The following PTPN3 variants were observed in gnomAD, a reference collection of about 807,000 sequenced individuals.
The protein encoded by PTPN3 is protein tyrosine phosphatase non-receptor type 3.
Under a neutral mutation model 132.7 loss-of-function variants are expected in PTPN3, and 96 were observed. The ratio of observed to expected loss-of-function variants is 0.72; its 90% CI spans 0.61 to 0.86. The LOEUF (loss-of-function observed/expected upper bound fraction) is 0.86. PTPN3 is among the 40% of genes least tolerant of loss of function. The probability of loss-of-function intolerance (pLI) is 0.00; values close to 1 mark genes in which losing one functional copy is unlikely to be tolerated. For missense variants in PTPN3, 1,125 were observed against 1,159.6 expected (o/e 0.97, Z 0.43); for synonymous variants, 398 against 429.0 (o/e 0.93, Z 0.89).
intron 12 of PTPN3, among the ~76,000 whole-genome samples, chr9:109,423,467 A>G (rs1271178837): frequency 1.3e-5 from 2 of 152,286 alleles, no homozygotes; most frequent in East Asian, 3.9e-4. Flanking sequence ...TTAGCCAGGT[A>G]TAGTGGCGCA....
chr9:109,418,779 T>G (rs780321157), intron 14 of PTPN3, among the ~76,000 whole-genome samples: 3 of 152,190 alleles, frequency 2.0e-5, no homozygotes, highest in Non-Finnish European at 2.9e-5. Flanking sequence ...TAAATCTGAA[T>G]AGACAACTGG....
At chr9:109,520,305 A>G in the PTPN3 span, among the ~76,000 whole-genome samples, 2 of 152,208 alleles carry the variant, frequency 1.3e-5, no homozygotes, top group African/African-American at 4.8e-5. Context: ...GACAGCACAC[A>G]GCTCAGTGTT....
At chr9:109,472,107 A>G (rs1846413055) in intron 1 of PTPN3, among the ~76,000 whole-genome samples, 1 of 152,222 alleles carries the variant, frequency 6.6e-6, no homozygotes, top group Non-Finnish European at 1.5e-5. Context: ...TTTCCAGTCT[A>G]TATGTCAGTG....
chr9:109,426,153 G>C (rs1357958686), intron 12 of PTPN3, among the ~76,000 whole-genome samples: 1 of 150,716 alleles, frequency 6.6e-6, no homozygotes, highest in Non-Finnish European at 1.5e-5. Context: ...ATTTCATTTA[G>C]AGAATAAATT....
intron 5 of PTPN3, chr9:109,450,740 T>C (rs888924350): frequency 7.1e-6 from 7 of 985,436 alleles, no homozygotes; most frequent in Non-Finnish European, 8.4e-6. Context: ...ACAATTAGAA[T>C]ACAGGATAGT....
chr9:109,377,111 A>G lies in PTPN3; in HGVS notation c.*2445T>C, dbSNP rs1025511339. The G allele has an allele frequency of 2.6e-5, 4 of 152,264 alleles. No individual in the cohort carries two copies. Among genetic ancestry groups the G allele is most frequent in the African/African-American group, 7.2e-5 (3 of 41,472 alleles). The allele number at this position is 152,264 out of a possible 1,614,324, so 9.4% of individuals were successfully genotyped here. ...GGGTGATGATGCATTTTTACCAAAC[A>G]GTAATAACTTGCTAAATATCCTAAT... On this transcript the variant is annotated 3_prime_UTR_variant, in exon 26 of 26. Coordinates refer to ENST00000374541, the MANE Select transcript of PTPN3 (RefSeq NM_002829.4).
At chr9:109,453,677 C>G (rs1250961001) in intron 5 of PTPN3, among the ~76,000 whole-genome samples, 1 of 152,100 alleles carries the variant, frequency 6.6e-6, no homozygotes, top group African/African-American at 2.4e-5. Flanking sequence ...CCAGCCTGCT[C>G]TCCTTTCTAA....
At chr9:109,418,679 C>T (rs947257643) in intron 14 of PTPN3, among the ~76,000 whole-genome samples, 1 of 152,212 alleles carries the variant, frequency 6.6e-6, no homozygotes, top group African/African-American at 2.4e-5. Context: ...AAGATGGAGG[C>T]CAACACTCCT....
the PTPN3 span, among the ~76,000 whole-genome samples, chr9:109,525,727 A>G: frequency 6.6e-6 from 1 of 152,204 alleles, no homozygotes; most frequent in Non-Finnish European, 1.5e-5. Flanking sequence ...TAGCAAGATG[A>G]CTTTTTCTCT....
chr9:109,424,575 T>C lies in PTPN3; in HGVS notation c.1002-1723A>G, dbSNP rs1443947479. Among the ~76,000 whole-genome samples, 2 of 152,212 alleles carry C rather than the reference T, an allele frequency of 1.3e-5. 1 individual carries two copies. Among genetic ancestry groups the C allele is most frequent in the South Asian group, 4.1e-4 (2 of 4,828 alleles). On this transcript the variant is annotated intron_variant, in intron 12 of 25. Transcript: ENST00000374541. The stretch of plus-strand genomic sequence containing the variant: ...TCGCTCCTGGAACCCTGAGTGTCCA[T>C]GTAAGAAATTCAACCACCCTCCTGG...
At chr9:109,503,949 G>A in the PTPN3 span, among the ~76,000 whole-genome samples, 82 of 152,180 alleles carry the variant, frequency 5.4e-4, no homozygotes, top group South Asian at 2.9e-3. Flanking sequence ...TGGAGCATAC[G>A]GTCTAATAGA....
chr9:109,408,938 T>C (rs1841842004), intron 16 of PTPN3, among the ~76,000 whole-genome samples: 1 of 151,048 alleles, frequency 6.6e-6, no homozygotes. Context: ...TGTGAGCGCA[T>C]CTGGCCTGTG....
chr9:109,458,782 C>T (rs932396005), intron 2 of PTPN3, among the ~76,000 whole-genome samples: 4 of 152,224 alleles, frequency 2.6e-5, no homozygotes, highest in Non-Finnish European at 4.4e-5. Context: ...TTGCACATTA[C>T]CAGATGTCAA....
chr9:109,520,830 C>T, the PTPN3 span, among the ~76,000 whole-genome samples: 1 of 152,306 alleles, frequency 6.6e-6, no homozygotes, highest in Non-Finnish European at 1.5e-5. Flanking sequence ...ACTCGAAAGT[C>T]CTGTTGATCC....
chr9:109,388,731 T>TG (rs1839807595), intron 22 of PTPN3, among the ~76,000 whole-genome samples: 1 of 152,078 alleles, frequency 6.6e-6, no homozygotes, highest in Admixed American at 6.5e-5. Context: ...TGCTGGGCGG[T>TG]GGGGGCTCCC....
At chr9:109,408,918 G>T (rs1157857786) in intron 16 of PTPN3, among the ~76,000 whole-genome samples, 2 of 149,284 alleles carry the variant, frequency 1.3e-5, no homozygotes, top group Non-Finnish European at 3.0e-5. Context: ...CCTGGGAAGG[G>T]GGCACACCCT....
chr9:109,533,608 A>G, the PTPN3 span: 1 of 1,537,552 alleles, frequency 6.5e-7, no homozygotes, highest in Non-Finnish European at 8.9e-7. Context: ...ATCGTGGTCT[A>G]TATCCCTGAT....
intron 1 of PTPN3, among the ~76,000 whole-genome samples, chr9:109,464,225 A>G (rs1202950395): frequency 6.6e-6 from 1 of 152,222 alleles, no homozygotes; most frequent in Non-Finnish European, 1.5e-5. Context: ...GCTGAATAGT[A>G]TCTACTAAAG....
chr9:109,471,061 CTTT>C (rs370759165), intron 1 of PTPN3, among the ~76,000 whole-genome samples: 3 of 143,596 alleles, frequency 2.1e-5, no homozygotes, highest in African/African-American at 2.5e-5. Flanking sequence ...ACATACGCAT[CTTT>C]TTTTTTTTTT....
Sources: allele counts gnomAD v4.1 joint callset (sites outside exome capture counted in the v4.1 genomes callset), GRCh38; gene constraint gnomAD v4.1.1; transcripts MANE v1.5; gene names NCBI Gene and HGNC (gene_info 2026-07-23, HGNC 2026-07-21).